Variants in NFIC observed in about 807,000 individuals in gnomAD.
NFIC encodes the protein nuclear factor I C.
In NFIC, 12 loss-of-function variants were observed where a neutral mutation model predicts 54.4. That is an observed-to-expected ratio of 0.22 (90% CI 0.14 to 0.36). NFIC has a LOEUF of 0.36. Among genes scored for constraint, NFIC ranks in the 10% least tolerant of loss-of-function variants. NFIC has a pLI of 1.00. For synonymous variants in NFIC, 322 were observed against 319.2 expected, an observed-to-expected ratio of 1.01 and a Z score of -0.09; for missense variants, 575 against 718.2, an observed-to-expected ratio of 0.80 and a Z score of 2.28.
At chr19:3,365,676 T>A (rs1182874738), upstream of NFIC, among the ~76,000 whole-genome samples, 1 of 152,198 alleles carries the variant, frequency 6.6e-6, no homozygotes, top group African/African-American at 2.4e-5. Flanking sequence ...GTGGAAATTA[T>A]TGGATACCCA....
chr19:3,467,212 G>GCCCCCCCCCCCCCC lies in NFIC; in HGVS notation c.*4454_*4455insCCCCCCCCCCCCCC, dbSNP rs374469121. 5.7e-5 allele frequency: 5 copies of GCCCCCCCCCCCCCC among 88,220 alleles called. No homozygotes were observed. The highest frequency in any genetic ancestry group is 4.4e-5 in the Non-Finnish European group (2 of 45,422). The allele number at this position is 88,220 out of a possible 1,614,324, so 5.5% of individuals were successfully genotyped here. On this transcript the variant is annotated 3_prime_UTR_variant, in exon 11 of 11. Transcript: ENST00000443272. Reference sequence around the variant, plus strand: ...GCTATGGACACCACACCTATGCCAGGCCCCCCCCCCCACCCCAGTCTCATT... The same window carrying GCCCCCCCCCCCCCC: ...GCTATGGACACCACACCTATGCCAGGCCCCCCCCCCCCCCCCCCCCCCCCCACCCCAGTCTCATT...
intron 3 of NFIC, among the ~76,000 whole-genome samples, chr19:3,429,913 C>CGGGGCGGTTGCCA (rs1555754427): frequency 6.6e-6 from 1 of 152,188 alleles, no homozygotes; most frequent in Non-Finnish European, 1.5e-5. Flanking sequence ...CCAACAGTCA[C>CGGGGCGGTTGCCA]GGGGCGGTTG....
At chr19:3,366,019 G>T (rs962454854), upstream of NFIC, among the ~76,000 whole-genome samples, 1 of 147,912 alleles carries the variant, frequency 6.8e-6, no homozygotes, top group African/African-American at 2.5e-5. Flanking sequence ...CTCTGCGCAC[G>T]TCACTTCTTC....
At chr19:3,437,014 G>A (rs529709603) in intron 6 of NFIC, among the ~76,000 whole-genome samples, 13 of 152,192 alleles carry the variant, frequency 8.5e-5, no homozygotes, top group South Asian at 4.1e-4. Context: ...TGAAGCAACC[G>A]TCTGGCCCAT....
At position 3,449,047 on chromosome 19, in the gene NFIC, A is replaced by G; in HGVS notation, c.992A>G (p.Asp331Gly). Residue 331 changes from aspartate (D) to glycine (G), a missense_variant, in exon 7 of 11, where the codon GAC (aspartate) becomes GGC (glycine). Physicochemically the swap from Asp to Gly is moderately conservative, Grantham distance 94. Transcript: ENST00000443272. ...TCCCCGGTGAAGAAGACAGAGATGG[A>G]CAAGTCACCATTCAACAGCCCGTCC... ...ISSPVKKTEMDKSPFNSPSPQ... is the reference protein window; with the variant it reads ...ISSPVKKTEMGKSPFNSPSPQ... The G allele has an allele frequency of 6.2e-7, 1 of 1,613,436 alleles. No homozygotes were observed. Among genetic ancestry groups the G allele is most frequent in the Non-Finnish European group, 8.5e-7 (1 of 1,179,760 alleles).
chr19:3,435,594 T>C (rs1228040667), intron 6 of NFIC, among the ~76,000 whole-genome samples: 1 of 152,130 alleles, frequency 6.6e-6, no homozygotes, highest in Non-Finnish European at 1.5e-5. Context: ...GTTTGTCCTC[T>C]TCCCCTCTAG....
At chr19:3,445,481 C>G (rs1379938001) in intron 6 of NFIC, among the ~76,000 whole-genome samples, 1 of 152,180 alleles carries the variant, frequency 6.6e-6, no homozygotes, top group African/African-American at 2.4e-5. Flanking sequence ...ATCCTTCCTG[C>G]CCCCCATGTG....
At chr19:3,460,612 C>G (rs934342214) in intron 10 of NFIC, among the ~76,000 whole-genome samples, 3 of 152,062 alleles carry the variant, frequency 2.0e-5, no homozygotes, top group Admixed American at 2.0e-4. Context: ...CCCCTGGATT[C>G]AGACGATTCT....
In NFIC at chr19:3,411,908, C is replaced by T. The variant is rs1412317717; in HGVS notation, c.563-13198C>T. ...AACAGTTTGTCCGCGCCGTCAGTGC[C>T]ATCCGGCATGCACGGCTGTTGTACA... On this transcript the variant is annotated intron_variant, in intron 2 of 10. Coordinates refer to ENST00000443272, the MANE Select transcript of NFIC (RefSeq NM_001245002.2). 2.6e-5 allele frequency among the ~76,000 whole-genome samples: 4 copies of T among 152,180 alleles called. No homozygotes were observed. The East Asian group carries it at 7.7e-4, about 29-fold the overall frequency.
chr19:3,435,789 A>G (rs1055203999), intron 6 of NFIC, among the ~76,000 whole-genome samples: 1 of 150,932 alleles, frequency 6.6e-6, no homozygotes, highest in South Asian at 2.1e-4. Context: ...TTCTGTCTTC[A>G]GAAGGGTCCT....
chr19:3,424,596 C>T (rs1568440074), intron 2 of NFIC, among the ~76,000 whole-genome samples: 2 of 149,734 alleles, frequency 1.3e-5, no homozygotes, highest in Non-Finnish European at 3.0e-5. Flanking sequence ...AGTCTGGTCT[C>T]AAACTCCTGA....
chr19:3,366,501 G>A, upstream of NFIC: 1 of 494,652 alleles, frequency 2.0e-6, no homozygotes, highest in Non-Finnish European at 3.5e-6. Flanking sequence ...GACCGAGGGA[G>A]GAGGCGGCGA....
chr19:3,407,792 C>A (rs1470740550), intron 2 of NFIC, among the ~76,000 whole-genome samples: 1 of 152,140 alleles, frequency 6.6e-6, no homozygotes, highest in East Asian at 1.9e-4. Context: ...CTAGAACAAA[C>A]GTTTGCAGAA....
intron 6 of NFIC, among the ~76,000 whole-genome samples, chr19:3,447,581 GC>G (rs1365765326): frequency 4.6e-5 from 7 of 152,242 alleles, no homozygotes; most frequent in Non-Finnish European, 1.0e-4. Flanking sequence ...CTCAGAGAAT[GC>G]CCCGATGCCC....
intron 2 of NFIC, among the ~76,000 whole-genome samples, chr19:3,387,370 C>T (rs925603308): frequency 1.3e-5 from 2 of 152,090 alleles, no homozygotes; most frequent in Admixed American, 6.6e-5. Context: ...GGCGTGGTGG[C>T]GGGCGTCTGT....
At chr19:3,449,533 G>T (rs1377157709) in intron 7 of NFIC, among the ~76,000 whole-genome samples, 1 of 152,176 alleles carries the variant, frequency 6.6e-6, no homozygotes, top group Non-Finnish European at 1.5e-5. Context: ...GCTGAGGCGG[G>T]TGGATCATCT....
intron 2 of NFIC, among the ~76,000 whole-genome samples, chr19:3,398,687 A>T (rs1255204458): frequency 1.3e-5 from 2 of 152,180 alleles, no homozygotes; most frequent in African/African-American, 4.8e-5. Flanking sequence ...CCCGTGCTCC[A>T]GGCCAGCCCC....
intron 2 of NFIC, among the ~76,000 whole-genome samples, chr19:3,395,130 G>T (rs899549295): frequency 2.0e-5 from 3 of 152,074 alleles, no homozygotes; most frequent in African/African-American, 7.2e-5. Context: ...AAGCCGAGAC[G>T]GGCGGATCTC....
chr19:3,365,162 C>T (rs2080864655), upstream of NFIC, among the ~76,000 whole-genome samples: 1 of 152,224 alleles, frequency 6.6e-6, no homozygotes, highest in Non-Finnish European at 1.5e-5. Flanking sequence ...TCAGTTTCCT[C>T]TCCTGTAATG....
Sources: allele counts gnomAD v4.1 joint callset (sites outside exome capture counted in the v4.1 genomes callset), GRCh38; gene constraint gnomAD v4.1.1; transcripts MANE v1.5; gene names NCBI Gene and HGNC (gene_info 2026-07-23, HGNC 2026-07-21).